The following EXOC2 variants were observed in gnomAD, a reference collection of about 807,000 sequenced individuals.
EXOC2 encodes SEC5-like 1.
A neutral mutation model predicts 131.8 loss-of-function variants in EXOC2; 70 were observed. That is an observed-to-expected ratio of 0.53 (90% CI 0.44 to 0.65). The LOEUF is 0.65. Among genes scored for constraint, EXOC2 ranks in the 30% least tolerant of loss-of-function variants. The pLI, the probability that EXOC2 is intolerant of heterozygous loss-of-function variation, is 0.00. For synonymous variants in EXOC2, 411 were observed against 398.4 expected (o/e 1.03, Z -0.38); for missense variants, 923 against 1,108.6 (o/e 0.83, Z 2.38).
chr6:556,466 C>A lies in EXOC2; in HGVS notation c.1932+18G>T, dbSNP rs752038167. Reference sequence around the variant, plus strand: ...GCTCCCTGGGAAACTGGAGTCCAAGCGGAGCTGGAATACTTACACTGGCCT... The same window carrying A: ...GCTCCCTGGGAAACTGGAGTCCAAGAGGAGCTGGAATACTTACACTGGCCT... On this transcript the variant is annotated intron_variant, in intron 18 of 27. Transcript: ENST00000230449. 5.0e-6 allele frequency: 8 copies of A among 1,612,488 alleles called. No individual in the cohort carries two copies. The highest frequency in any genetic ancestry group is 6.8e-6 in the Non-Finnish European group (8 of 1,179,240).
intron 23 of EXOC2, among the ~76,000 whole-genome samples, chr6:501,633 A>C (rs1235931002): frequency 1.1e-5 from 1 of 90,628 alleles, no homozygotes; most frequent in Non-Finnish European, 2.1e-5. Flanking sequence ...ATATATCTAT[A>C]TATATCGATA....
At chr6:613,080 T>C (rs1436995710) in intron 6 of EXOC2, among the ~76,000 whole-genome samples, 1 of 152,044 alleles carries the variant, frequency 6.6e-6, no homozygotes, top group African/African-American at 2.4e-5. Context: ...GTGAGCAGTA[T>C]CTGCTAACAA....
intron 24 of EXOC2, among the ~76,000 whole-genome samples, chr6:499,381 C>A (rs1212472546): frequency 6.6e-6 from 1 of 150,524 alleles, no homozygotes; most frequent in Admixed American, 6.6e-5. Context: ...ATGAATTTAG[C>A]TGGAATTATC....
intron 21 of EXOC2, among the ~76,000 whole-genome samples, chr6:552,582 A>T (rs1454175997): frequency 6.6e-6 from 1 of 152,120 alleles, no homozygotes; most frequent in African/African-American, 2.4e-5. Flanking sequence ...AGGACATTCA[A>T]TCACCCACTG....
intron 4 of EXOC2, among the ~76,000 whole-genome samples, chr6:625,923 C>G (rs1761542649): frequency 6.6e-6 from 1 of 152,124 alleles, no homozygotes; most frequent in Admixed American, 6.5e-5. Flanking sequence ...CGCCCATATA[C>G]AGACCGTCTC....
rs1335045540 is a variant in EXOC2, at chr6:488,986, C to T, written c.2674G>A (p.Asp892Asn). Residue 892 changes from aspartate to asparagine, a missense_variant, in exon 27 of 28, where the codon GAT becomes AAT. Asp to Asn is a conservative substitution (Grantham distance 23, BLOSUM62 1). Coordinates refer to ENST00000230449, the MANE Select transcript of EXOC2 (RefSeq NM_018303.6). ...ACAGCACACAGGACTTACTTTTTAT[C>T]TGCTCCACTGGAAAGCTGGGGCAGG... is the stretch of plus-strand genomic sequence containing the variant. ...EALPQLSSGA[D>N]KKLLEELLNK... 6.2e-7 allele frequency: 1 copy of T among 1,613,866 alleles called. No homozygotes were observed. Among genetic ancestry groups the T allele is most frequent in the African/African-American group, 1.3e-5 (1 of 74,932 alleles).
chr6:585,843 G>A (rs1230613011), intron 11 of EXOC2, among the ~76,000 whole-genome samples: 1 of 152,140 alleles, frequency 6.6e-6, no homozygotes, highest in Non-Finnish European at 1.5e-5. Flanking sequence ...ATTTCACAAA[G>A]CTATTCTTCT....
At chr6:690,758 T>A (rs2127824126) in intron 1 of EXOC2, among the ~76,000 whole-genome samples, 1 of 152,350 alleles carries the variant, frequency 6.6e-6, no homozygotes, top group East Asian at 1.9e-4. Flanking sequence ...GTTTGTGTAT[T>A]CATATCAATA....
Position 616,380 on chromosome 6 carries a change from G to A in EXOC2, c.661+1331C>T, listed in dbSNP as rs538508572. Among the ~76,000 whole-genome samples the A allele has an allele frequency of 3.9e-4, 60 of 151,990 alleles. 1 individual carries two copies. The South Asian group carries it at 0.012, about 31-fold the overall frequency. ...GCACTTTGGGAGGCCGAGGCGGGCG[G>A]ATCACGAGGTCAGGAGATCGAGACC... is the stretch of plus-strand genomic sequence containing the variant. On this transcript the variant is annotated intron_variant, in intron 6 of 27. Coordinates refer to ENST00000230449, the MANE Select transcript of EXOC2 (RefSeq NM_018303.6).
chr6:666,588 A>T (rs2127768777), intron 1 of EXOC2, among the ~76,000 whole-genome samples: 1 of 96,866 alleles, frequency 1.0e-5, no homozygotes, highest in East Asian at 5.5e-4. Flanking sequence ...TCAAAATTAG[A>T]GTTTCCATAT....
At chr6:544,483 A>G (rs558325982) in intron 22 of EXOC2, among the ~76,000 whole-genome samples, 1 of 152,322 alleles carries the variant, frequency 6.6e-6, no homozygotes, top group South Asian at 2.1e-4. Context: ...AAGATCTTAA[A>G]CTCTGAAACA....
intron 23 of EXOC2, 119 bp from the exon 24 acceptor site, chr6:499,819 A>G: frequency 1.4e-6 from 1 of 724,618 alleles, no homozygotes; most frequent in Non-Finnish European, 2.4e-6. Flanking sequence ...AAGTAACACC[A>G]CCACTATTTC....
At chr6:568,671 C>T (rs187623905) in intron 13 of EXOC2, among the ~76,000 whole-genome samples, 89 of 152,302 alleles carry the variant, frequency 5.8e-4, no homozygotes, top group African/African-American at 2.1e-3. Flanking sequence ...AGAGTCTTGA[C>T]TGTCAAAGGG....
chr6:491,347 C>T lies in EXOC2; in HGVS notation c.2560-161G>A, dbSNP rs565738496. 3.9e-5 allele frequency among the ~76,000 whole-genome samples: 6 copies of T among 152,300 alleles called. No individual in the cohort carries two copies. The South Asian group carries it at 6.2e-4, about 16-fold the overall frequency. On this transcript the variant is annotated intron_variant, in intron 25 of 27. Coordinates refer to ENST00000230449, the MANE Select transcript of EXOC2 (RefSeq NM_018303.6). ...CATGAGTAGAGTTTCTAAAACAGTC[C>T]GAAGAAATTTGCTACCACAAAATGT...
intron 11 of EXOC2, among the ~76,000 whole-genome samples, chr6:591,792 T>A (rs1759556088): frequency 6.6e-6 from 1 of 152,174 alleles, no homozygotes; most frequent in Admixed American, 6.5e-5. Flanking sequence ...AATGATAGTA[T>A]ACAAACAAAA....
At chr6:689,610 C>A (rs1764824268) in intron 1 of EXOC2, among the ~76,000 whole-genome samples, 1 of 152,190 alleles carries the variant, frequency 6.6e-6, no homozygotes, top group African/African-American at 2.4e-5. Flanking sequence ...ACACTCAATA[C>A]TACAGAGTTT....
chr6:629,311 C>T (rs150124530), intron 4 of EXOC2, among the ~76,000 whole-genome samples: 3 of 152,104 alleles, frequency 2.0e-5, no homozygotes, highest in African/African-American at 7.2e-5. Context: ...AAACACTGTA[C>T]TAGGAATTCA....
chr6:632,892 A>G, intron 3 of EXOC2, 49 bp downstream of exon 3: 1 of 1,545,464 alleles, frequency 6.5e-7, no homozygotes, highest in Admixed American at 2.0e-5. Context: ...CTTAAAAGAC[A>G]AACTCATTTT....
intron 2 of EXOC2, among the ~76,000 whole-genome samples, chr6:636,652 G>A (rs1379883768): frequency 6.6e-6 from 1 of 152,164 alleles, no homozygotes; most frequent in East Asian, 1.9e-4. Flanking sequence ...CTTAGTAACA[G>A]CTCCGTCATC....
Sources: gnomAD v4.1 joint callset for allele counts (sites outside exome capture counted in the v4.1 genomes callset) on GRCh38, gnomAD v4.1.1 for gene constraint, MANE v1.5 for transcripts, NCBI Gene and HGNC (gene_info 2026-07-23, HGNC 2026-07-21) for gene names.